The following TAFA2 variants were observed in gnomAD, a reference collection of about 807,000 sequenced individuals.
The protein encoded by TAFA2 is TAFA chemokine like family member 2, also known as chemokine-like protein TAFA-2.
A neutral mutation model predicts 18.8 loss-of-function variants in TAFA2; 7 were observed. That is an observed-to-expected ratio of 0.37 (90% confidence interval 0.21 to 0.70). TAFA2 has a LOEUF of 0.70. TAFA2 is among the 30% of genes least tolerant of loss of function. TAFA2 has a pLI of 0.53. For synonymous variants in TAFA2, 60 were observed against 54.2 expected (o/e 1.11, Z -0.47); for missense variants, 122 against 158.1 (o/e 0.77, Z 1.23).
At chr12:61,985,353 C>T (rs929355763) in intron 1 of TAFA2, among the ~76,000 whole-genome samples, 5 of 152,110 alleles carry the variant, frequency 3.3e-5, no homozygotes, top group Admixed American at 6.6e-5. Flanking sequence ...AAAGGACAAA[C>T]GATTAAACAG....
At chr12:62,046,750 T>C (rs769146013) in intron 1 of TAFA2, among the ~76,000 whole-genome samples, 3 of 152,132 alleles carry the variant, frequency 2.0e-5, no homozygotes, top group Non-Finnish European at 2.9e-5. Context: ...ACTAACACTA[T>C]GTGATGGAAG....
chr12:61,932,523 T>C (rs1877599640), intron 1 of TAFA2, among the ~76,000 whole-genome samples: 1 of 152,166 alleles, frequency 6.6e-6, no homozygotes, highest in Non-Finnish European at 1.5e-5. Context: ...CACTGCAAGC[T>C]CTGCCTTCCT....
chr12:62,136,017 A>G (rs1244886010), intron 1 of TAFA2: 2 of 152,112 alleles, frequency 1.3e-5, no homozygotes, highest in Non-Finnish European at 2.9e-5. Flanking sequence ...CTGATGAGAC[A>G]ATATTTGACT....
At chr12:61,880,235 A>C in intron 1 of TAFA2, 1 of 489,796 alleles carries the variant, frequency 2.0e-6, no homozygotes, top group Non-Finnish European at 3.9e-6. Flanking sequence ...GTGTACAAAG[A>C]CTGACATCTC....
chr12:62,188,925 A>G (rs938558139), intron 1 of TAFA2, among the ~76,000 whole-genome samples: 19 of 152,180 alleles, frequency 1.2e-4, no homozygotes, highest in Non-Finnish European at 2.8e-4. Flanking sequence ...TTTTACATAA[A>G]TCCATAGGCA....
chr12:62,129,755 T>C (rs1406428144), intron 1 of TAFA2, among the ~76,000 whole-genome samples: 1 of 151,990 alleles, frequency 6.6e-6, no homozygotes, highest in East Asian at 1.9e-4. Context: ...TTCCTGGACT[T>C]CACCCACGAA....
intron 1 of TAFA2, among the ~76,000 whole-genome samples, chr12:62,118,862 A>T (rs193035801): frequency 1.3e-5 from 2 of 152,144 alleles, no homozygotes; most frequent in South Asian, 4.1e-4. Flanking sequence ...TTTGTCCGTT[A>T]TGTAGATTGT....
chr12:62,082,003 C>T (rs1868333341), intron 1 of TAFA2, among the ~76,000 whole-genome samples: 1 of 149,430 alleles, frequency 6.7e-6, no homozygotes, highest in African/African-American at 2.5e-5. Context: ...TCCATGTGTT[C>T]TCATTGTTCA....
intron 2 of TAFA2, among the ~76,000 whole-genome samples, chr12:61,835,458 A>G (rs1009089204): frequency 4.6e-5 from 7 of 152,004 alleles, no homozygotes; most frequent in African/African-American, 1.4e-4. Flanking sequence ...TTGGGCTGCC[A>G]CTGATCCCAT....
At chr12:61,833,718 G>A (rs1433157324) in intron 2 of TAFA2, among the ~76,000 whole-genome samples, 1 of 151,208 alleles carries the variant, frequency 6.6e-6, no homozygotes, top group Non-Finnish European at 1.5e-5. Flanking sequence ...CTCAGTAATT[G>A]CTTTTGTTGT....
At chr12:61,847,094 C>G (rs1873438474) in intron 2 of TAFA2, among the ~76,000 whole-genome samples, 1 of 152,204 alleles carries the variant, frequency 6.6e-6, no homozygotes, top group African/African-American at 2.4e-5. Context: ...TCGACCCACT[C>G]AGGCTGACAC....
chr12:61,928,628 C>T (rs1032670460), intron 1 of TAFA2, among the ~76,000 whole-genome samples: 3 of 152,098 alleles, frequency 2.0e-5, no homozygotes, highest in Admixed American at 6.5e-5. Flanking sequence ...GTATCTAGAA[C>T]CAGAAATACC....
chr12:62,166,158 TG>T (rs2136935564), intron 1 of TAFA2, among the ~76,000 whole-genome samples: 1 of 152,282 alleles, frequency 6.6e-6, no homozygotes, highest in South Asian at 2.1e-4. Context: ...TTTTCTTTTA[TG>T]TATTTCTTAT....
intron 1 of TAFA2, among the ~76,000 whole-genome samples, chr12:62,000,477 G>A (rs7956690): frequency 0.18 from 26,462 of 145,524 alleles, 5,216 homozygotes; most frequent in Non-Finnish European, 0.26. Context: ...TATTGGAAAA[G>A]TGTCTGACAG....
chr12:62,198,709 A>G (rs1047358185), intron 1 of TAFA2, among the ~76,000 whole-genome samples: 1 of 152,204 alleles, frequency 6.6e-6, no homozygotes, highest in Non-Finnish European at 1.5e-5. Context: ...TTTTCATGTA[A>G]TCAAGTGAAT....
At chr12:62,222,684 T>TA (rs1179025632) in intron 1 of TAFA2, among the ~76,000 whole-genome samples, 1 of 151,088 alleles carries the variant, frequency 6.6e-6, no homozygotes, top group African/African-American at 2.4e-5. Flanking sequence ...TTTTTTTTTT[T>TA]TTTTTATTTT....
intron 1 of TAFA2, among the ~76,000 whole-genome samples, chr12:62,164,220 C>T (rs892165086): frequency 2.6e-5 from 4 of 152,082 alleles, no homozygotes; most frequent in African/African-American, 9.7e-5. Flanking sequence ...ATTTGGTAAA[C>T]TTGAGGTTTT....
chr12:61,736,811 T>C (rs2120680123), intron 4 of TAFA2, among the ~76,000 whole-genome samples: 1 of 152,174 alleles, frequency 6.6e-6, no homozygotes, highest in Non-Finnish European at 1.5e-5. Flanking sequence ...TGAATGACTC[T>C]CTAATGCAAG....
At chr12:61,975,360 TC>T (rs1315661718) in intron 1 of TAFA2, among the ~76,000 whole-genome samples, 2 of 151,794 alleles carry the variant, frequency 1.3e-5, no homozygotes, top group African/African-American at 4.8e-5. Flanking sequence ...CTGTATGTAT[TC>T]TACTTTCTTT....
Sources: gnomAD v4.1 joint callset for allele counts (sites outside exome capture counted in the v4.1 genomes callset) on GRCh38, gnomAD v4.1.1 for gene constraint, MANE v1.5 for transcripts, NCBI Gene and HGNC (gene_info 2026-07-23, HGNC 2026-07-21) for gene names.